The following XCL1 variants were observed in gnomAD, a reference collection of about 807,000 sequenced individuals.
XCL1 encodes the protein lymphotactin.
A neutral mutation model predicts 7.4 loss-of-function variants in XCL1; 6 were observed. The observed-to-expected ratio is 0.82, with a 90% CI of 0.45 to 1.61. XCL1 has a LOEUF of 1.61. Ranked by LOEUF, XCL1 falls within the 40% of genes most tolerant of loss-of-function variation. XCL1 has a pLI of 0.01. For synonymous variants in XCL1, 48 were observed against 52.4 expected, an observed-to-expected ratio of 0.92 and a Z score of 0.36; for missense variants, 122 against 138.2, an observed-to-expected ratio of 0.88 and a Z score of 0.59.
intron 2 of XCL1, among the ~76,000 whole-genome samples, chr1:168,580,503 A>T (rs1655136919): frequency 6.6e-6 from 1 of 152,254 alleles, no homozygotes; most frequent in African/African-American, 2.4e-5. Flanking sequence ...TGCAAGCCTC[A>T]CTGGAGTTGG....
chr1:168,578,499 A>G (rs1250325687), intron 1 of XCL1, among the ~76,000 whole-genome samples: 1 of 152,222 alleles, frequency 6.6e-6, no homozygotes, highest in African/African-American at 2.4e-5. Flanking sequence ...ATGATTCTCT[A>G]CACTTAATAG....
chr1:168,577,274 C>A (rs1184167099), intron 1 of XCL1, among the ~76,000 whole-genome samples: 9 of 152,138 alleles, frequency 5.9e-5, no homozygotes, highest in Non-Finnish European at 2.9e-5. Flanking sequence ...GAAGTTCAAA[C>A]CTTCATGTCC....
rs1655123852 is a variant in XCL1 at position 168,580,090 on chromosome 1, G to A, written c.89G>A (p.Arg30Lys). 1 of 1,613,666 alleles carries A rather than the reference G, an allele frequency of 6.2e-7. No individual in the cohort carries two copies. The highest frequency in any genetic ancestry group is 8.5e-7 in the Non-Finnish European group (1 of 1,179,734). ...EGVGSEVSDK[R>K]TCVSLTTQRL... ...GTAGGGAGTGAAGTCTCAGATAAGA[G>A]GACCTGTGTGAGCCTCACTACCCAG... The change falls in exon 2 of 3, where the codon AGG becomes AAG. Residue 30 changes from arginine to lysine, a missense_variant. Arg to Lys is a conservative substitution (Grantham distance 26). Coordinates refer to ENST00000367818, the MANE Select transcript of XCL1 (RefSeq NM_002995.3).
intron 1 of XCL1, chr1:168,579,134 T>C (rs28445100): frequency 4.8e-6 from 2 of 414,584 alleles, no homozygotes; most frequent in Admixed American, 2.9e-5. Context: ...TCAGTACTTG[T>C]GGATCAGCTT....
At chr1:168,579,939 C>A (rs1572578730) in intron 1 of XCL1, 124 bp from the exon 2 acceptor site, 1 of 930,882 alleles carries the variant, frequency 1.1e-6, no homozygotes, top group Non-Finnish European at 1.6e-6. Flanking sequence ...GTCCTCTCTT[C>A]CCCCAAAAAG....
chr1:168,579,637 G>T (rs4656158), intron 1 of XCL1, among the ~76,000 whole-genome samples: 84,552 of 151,448 alleles, frequency 0.56, 24,170 homozygotes, highest in Middle Eastern at 0.68. Context: ...TTGCCTGTCT[G>T]CTGCCTGGCT....
rs1001868019 is a variant in XCL1 at position 168,581,415 on chromosome 1, C to T, written c.*195C>T. 3.8e-5 allele frequency: 22 copies of T among 580,066 alleles called. No homozygotes were observed. The highest frequency in any genetic ancestry group is 3.7e-4 in the African/African-American group (19 of 50,970). 35.9% of individuals were successfully genotyped at this position (580,066 alleles called of 1,614,324 possible). A position where few individuals can be genotyped will look rare whatever the true frequency, so the allele number is the denominator to read the frequency against. ...ATTATTTATTATTAAGAATAGTTCC[C>T]TAGTCTATTCATTATATTTAGGGAA... On this transcript the variant is annotated 3_prime_UTR_variant, in exon 3 of 3. Coordinates refer to ENST00000367818, the MANE Select transcript of XCL1 (RefSeq NM_002995.3).
chr1:168,577,787 T>C (rs1438961341), intron 1 of XCL1, among the ~76,000 whole-genome samples: 4 of 152,010 alleles, frequency 2.6e-5, no homozygotes, highest in African/African-American at 9.7e-5. Flanking sequence ...CAGATCTGAG[T>C]AGGGGAAAGG....
At chr1:168,580,240 T>C in intron 2 of XCL1, 63 bp downstream of exon 2, 7 of 1,539,938 alleles carry the variant, frequency 4.5e-6, no homozygotes, top group Non-Finnish European at 6.2e-6. Context: ...ATACACTCTG[T>C]AGAAATGCTG....
intron 1 of XCL1, 36 bp from the exon 2 acceptor site, chr1:168,580,026 TA>T: frequency 6.3e-7 from 1 of 1,589,344 alleles, no homozygotes; most frequent in Non-Finnish European, 8.6e-7. Flanking sequence ...ATAATTGCTT[TA>T]TTTTTAATTG....
Position 168,581,115 on chromosome 1 carries a change from G to C in XCL1, c.240G>C (p.Val80=), listed in dbSNP as rs1050516633. The C allele has an allele frequency of 6.8e-6, 11 of 1,613,666 alleles. No homozygotes were observed. The Admixed American group carries it at 1.7e-4, about 24-fold the overall frequency. ...CACAAGCCACATGGGTGAGAGACGT[G>C]GTCAGGAGCATGGACAGGAAATCCA... ...ADPQATWVRD[V]VRSMDRKSNT... is the part of the protein sequence containing the mutation. The change falls in exon 3 of 3, where the codon GTG becomes GTC. Residue 80 remains valine (V), a synonymous_variant. Transcript: ENST00000367818.
chr1:168,580,085 T>G lies in XCL1; in HGVS notation c.84T>G (p.Asp28Glu), dbSNP rs770383391. The G allele has an allele frequency of 2.5e-5, 41 of 1,613,680 alleles. 1 individual carries two copies. The South Asian group carries it at 4.5e-4, about 18-fold the overall frequency. The change falls in exon 2 of 3, where the codon GAT becomes GAG. Residue 28 changes from aspartate (D) to glutamate (E), a missense_variant. Coordinates refer to ENST00000367818, the MANE Select transcript of XCL1 (RefSeq NM_002995.3). Reference protein sequence around the residue: ...IVEGVGSEVSDKRTCVSLTTQ... With the variant: ...IVEGVGSEVSEKRTCVSLTTQ... ...CAGGTGTAGGGAGTGAAGTCTCAGA[T>G]AAGAGGACCTGTGTGAGCCTCACTA...
intron 2 of XCL1, 36 bp from the exon 3 acceptor site, chr1:168,581,016 G>A (rs1486838030): frequency 1.0e-5 from 16 of 1,607,274 alleles, no homozygotes; most frequent in Admixed American, 1.7e-5. Context: ...CTTTGAGAAT[G>A]TGGCTAACTT....
intron 1 of XCL1, chr1:168,578,563 C>G (rs1330895562): frequency 5.4e-6 from 1 of 186,304 alleles, no homozygotes; most frequent in East Asian, 1.8e-4. Context: ...GGCTGACTTC[C>G]TTTTATATAT....
intron 1 of XCL1, 48 bp from the exon 2 acceptor site, chr1:168,580,015 G>A (rs778727749): frequency 4.5e-6 from 7 of 1,571,700 alleles, no homozygotes; most frequent in Non-Finnish European, 6.1e-6. Flanking sequence ...CTGTGATCTG[G>A]ATAATTGCTT....
At chr1:168,579,851 T>A (rs1655112974) in intron 1 of XCL1, among the ~76,000 whole-genome samples, 2 of 152,016 alleles carry the variant, frequency 1.3e-5, no homozygotes, top group South Asian at 4.1e-4. Flanking sequence ...CCTGAAACAA[T>A]TCTGTTGATT....
intron 1 of XCL1, chr1:168,578,751 C>T (rs1200875593): frequency 6.7e-6 from 3 of 447,020 alleles, no homozygotes; most frequent in South Asian, 5.2e-5. Flanking sequence ...CTCATCATAT[C>T]CGTCATTGTA....
Position 168,581,171 on chromosome 1 carries a change from C to T in XCL1, c.296C>T (p.Pro99Leu), listed in dbSNP as rs781637844. Residue 99 changes from proline (P) to leucine (L), a missense_variant, in exon 3 of 3, where the codon CCA (proline) becomes CTA (leucine). Coordinates refer to ENST00000367818, the MANE Select transcript of XCL1 (RefSeq NM_002995.3). The part of the protein sequence containing the change: ...NTRNNMIQTK[P>L]TGTQQSTNTA... ...AGAAATAACATGATCCAGACCAAGC[C>T]AACAGGAACCCAGCAATCGACCAAT... The T allele has an allele frequency of 1.9e-6, 3 of 1,613,676 alleles. No homozygotes were observed. The African/African-American group carries it at 4.0e-5, about 22-fold the overall frequency.
chr1:168,578,262 T>C (rs1446397701), intron 1 of XCL1, among the ~76,000 whole-genome samples: 5 of 152,222 alleles, frequency 3.3e-5, no homozygotes, highest in African/African-American at 1.2e-4. Flanking sequence ...ACTCTTTGTT[T>C]AGTCCCTTGC....
Sources: gnomAD v4.1 joint callset for allele counts (sites outside exome capture counted in the v4.1 genomes callset) on GRCh38, gnomAD v4.1.1 for gene constraint, MANE v1.5 for transcripts, NCBI Gene and HGNC (gene_info 2026-07-23, HGNC 2026-07-21) for gene names.